Variants in CTNNA2 observed in about 807,000 individuals in gnomAD.
CTNNA2 encodes catenin alpha-2.
CTNNA2 carries 42 observed loss-of-function variants against 101.0 expected under a neutral mutation model. The ratio of observed to expected loss-of-function variants is 0.42; its 90% confidence interval spans 0.32 to 0.54. CTNNA2 has a LOEUF of 0.54. Among genes scored for constraint, CTNNA2 ranks in the 20% least tolerant of loss-of-function variants. The probability of loss-of-function intolerance (pLI) is 0.14; values close to 1 mark genes in which losing one functional copy is unlikely to be tolerated. For missense variants in CTNNA2, 871 were observed against 1,223.1 expected (o/e 0.71, Z 4.29); for synonymous variants, 450 against 456.4 (o/e 0.99, Z 0.18).
intron 7 of CTNNA2, among the ~76,000 whole-genome samples, chr2:80,306,193 T>C (rs187851356): frequency 6.6e-6 from 1 of 152,280 alleles, no homozygotes; most frequent in African/African-American, 2.4e-5. Flanking sequence ...GATGTATCAT[T>C]TAATTGGAAG....
intron 7 of CTNNA2, among the ~76,000 whole-genome samples, chr2:80,053,861 C>G (rs1697041004): frequency 6.6e-6 from 1 of 152,192 alleles, no homozygotes; most frequent in Non-Finnish European, 1.5e-5. Context: ...CATTTCTTAG[C>G]AAATTTGTAT....
chr2:79,387,989 C>T (rs1341009302), intron 4 of CTNNA2, among the ~76,000 whole-genome samples: 1 of 152,096 alleles, frequency 6.6e-6, no homozygotes, highest in Non-Finnish European at 1.5e-5. Context: ...ATAGACCCTG[C>T]ATCTTGAAGC....
chr2:79,649,483 G>A (rs951980442), intron 1 of CTNNA2: 2 of 154,768 alleles, frequency 1.3e-5, no homozygotes, highest in Non-Finnish European at 2.9e-5. Context: ...ACTGGACTAA[G>A]ATCACTTAGG....
At chr2:80,275,616 G>A (rs1338253108) in intron 7 of CTNNA2, among the ~76,000 whole-genome samples, 2 of 152,140 alleles carry the variant, frequency 1.3e-5, no homozygotes, top group African/African-American at 2.4e-5. Context: ...ATGAATTAGT[G>A]TGGAACCTGA....
chr2:80,534,850 T>C (rs980656462), intron 9 of CTNNA2, among the ~76,000 whole-genome samples: 1 of 152,122 alleles, frequency 6.6e-6, no homozygotes, highest in Non-Finnish European at 1.5e-5. Context: ...GAGCAAAAAC[T>C]AGATGCCTAA....
intron 1 of CTNNA2, among the ~76,000 whole-genome samples, chr2:79,620,365 C>T (rs914648893): frequency 1.3e-5 from 2 of 152,190 alleles, no homozygotes; most frequent in African/African-American, 4.8e-5. Flanking sequence ...ACCTCCTTGT[C>T]CTGCTCACTT....
At chr2:79,945,954 A>G (rs1466001533) in intron 7 of CTNNA2, among the ~76,000 whole-genome samples, 1 of 152,194 alleles carries the variant, frequency 6.6e-6, no homozygotes, top group African/African-American at 2.4e-5. Flanking sequence ...ACTAAATTAG[A>G]CCTAGTGAAT....
chr2:79,938,053 T>G (rs1687906533), intron 7 of CTNNA2, among the ~76,000 whole-genome samples: 1 of 152,182 alleles, frequency 6.6e-6, no homozygotes, highest in African/African-American at 2.4e-5. Context: ...CTATTTTAAC[T>G]GTTAAATTAG....
chr2:79,615,590 G>A (rs1048277165), intron 1 of CTNNA2, among the ~76,000 whole-genome samples: 32 of 152,164 alleles, frequency 2.1e-4, no homozygotes, highest in African/African-American at 7.2e-4. Context: ...TTTGACGAGA[G>A]GGTCAATGAA....
intron 7 of CTNNA2, among the ~76,000 whole-genome samples, chr2:80,108,265 G>T (rs7574083): frequency 0.054 from 8,227 of 152,224 alleles, 744 homozygotes; most frequent in African/African-American, 0.19. Flanking sequence ...ACCTACCTAA[G>T]AAGGCTGTCA....
At chr2:80,220,445 G>A (rs752069400) in intron 7 of CTNNA2, among the ~76,000 whole-genome samples, 1 of 152,150 alleles carries the variant, frequency 6.6e-6, no homozygotes, top group Non-Finnish European at 1.5e-5. Flanking sequence ...TTTTCAGCTG[G>A]GCATGGAGGC....
intron 7 of CTNNA2, among the ~76,000 whole-genome samples, chr2:80,026,850 T>A (rs1344032615): frequency 6.6e-6 from 1 of 152,166 alleles, no homozygotes; most frequent in African/African-American, 2.4e-5. Flanking sequence ...TCCCTTAAAT[T>A]TATAGTTTCA....
chr2:80,459,420 A>G (rs750634666), intron 9 of CTNNA2, among the ~76,000 whole-genome samples: 19 of 152,176 alleles, frequency 1.2e-4, no homozygotes, highest in Non-Finnish European at 2.6e-4. Flanking sequence ...TATTCATAAG[A>G]TATTCATATC....
intron 7 of CTNNA2, among the ~76,000 whole-genome samples, chr2:80,289,993 G>A (rs1470302039): frequency 2.0e-5 from 3 of 152,148 alleles, no homozygotes; most frequent in Non-Finnish European, 4.4e-5. Context: ...CAACCACAGA[G>A]CTTGGGTTCT....
intron 3 of CTNNA2, among the ~76,000 whole-genome samples, chr2:79,756,681 A>G (rs1285285868): frequency 6.6e-6 from 1 of 152,220 alleles, no homozygotes; most frequent in Non-Finnish European, 1.5e-5. Flanking sequence ...TATTTGATGA[A>G]AGACTTATAT....
chr2:80,523,768 A>G (rs1689783015), intron 9 of CTNNA2, among the ~76,000 whole-genome samples: 1 of 152,188 alleles, frequency 6.6e-6, no homozygotes, highest in Non-Finnish European at 1.5e-5. Flanking sequence ...GACTTTGAAA[A>G]GTTGATAATG....
chr2:79,789,178 G>A (rs1573972913), intron 3 of CTNNA2, among the ~76,000 whole-genome samples: 1 of 152,202 alleles, frequency 6.6e-6, no homozygotes, highest in South Asian at 2.1e-4. Context: ...AGTCAAACCT[G>A]TGTGAGTCAG....
intron 7 of CTNNA2, among the ~76,000 whole-genome samples, chr2:80,170,049 T>A (rs538862464): frequency 4.6e-5 from 7 of 152,348 alleles, no homozygotes; most frequent in African/African-American, 1.7e-4. Flanking sequence ...ATTGTTTCCG[T>A]TTATCAAGTA....
intron 7 of CTNNA2, among the ~76,000 whole-genome samples, chr2:80,245,490 T>C (rs1254092415): frequency 6.6e-6 from 1 of 152,214 alleles, no homozygotes; most frequent in African/African-American, 2.4e-5. Flanking sequence ...ACCAGTCTTC[T>C]ATTAGGTTAT....
Sources: gnomAD v4.1 joint callset for allele counts (sites outside exome capture counted in the v4.1 genomes callset) on GRCh38, gnomAD v4.1.1 for gene constraint, MANE v1.5 for transcripts, NCBI Gene and HGNC (gene_info 2026-07-23, HGNC 2026-07-21) for gene names.